ADGRG7: variants seen among roughly 807,000 people sequenced by gnomAD.
The protein encoded by ADGRG7 is G-protein coupled receptor 128.
ADGRG7 carries 82 observed loss-of-function variants against 88.6 expected under a neutral mutation model. The ratio of observed to expected loss-of-function variants is 0.93; its 90% confidence interval spans 0.77 to 1.11. The LOEUF is 1.11. ADGRG7 is among the 50% of genes most tolerant of loss of function. ADGRG7 has a pLI of 0.00. For synonymous variants in ADGRG7, 381 were observed against 345.2 expected, an observed-to-expected ratio of 1.10 and a Z score of -1.15; for missense variants, 945 against 953.4, an observed-to-expected ratio of 0.99 and a Z score of 0.12.
chr3:100,659,348 G>A (rs1024253456), intron 13 of ADGRG7, among the ~76,000 whole-genome samples: 1 of 146,482 alleles, frequency 6.8e-6, no homozygotes, highest in African/African-American at 2.5e-5. Context: ...GCTGAGGCAG[G>A]AGAATGGTGT....
chr3:100,626,502 C>A (rs1017989052), intron 1 of ADGRG7, among the ~76,000 whole-genome samples: 1 of 152,196 alleles, frequency 6.6e-6, no homozygotes, highest in East Asian at 1.9e-4. Flanking sequence ...TTTATTTGAA[C>A]GGGGTCAGGC....
In ADGRG7 at chr3:100,655,024, T is replaced by A. The variant is rs951232068; in HGVS notation, c.1569T>A (p.Asn523Lys). ...GGACAGACACCATTAACATCCCGAA[T>A]CCCATGTGCACTGCGATTGCCGCCT... ...IPRTDTINIP[N>K]PMCTAIAALL... Residue 523 changes from asparagine to lysine, a missense_variant, in exon 12 of 16, where the codon AAT becomes AAA. By Grantham distance (94) the Asn-to-Lys change is moderately conservative. Transcript: ENST00000273352. 6.8e-6 allele frequency: 11 copies of A among 1,613,998 alleles called. No individual in the cohort carries two copies. In the African/African-American group the frequency reaches 1.5e-4, roughly 22 times the overall value.
intron 14 of ADGRG7, among the ~76,000 whole-genome samples, chr3:100,666,961 T>C (rs1159429105): frequency 6.6e-6 from 1 of 152,074 alleles, no homozygotes; most frequent in African/African-American, 2.4e-5. Flanking sequence ...GAGCACGGGG[T>C]TGGGGGTAAG....
intron 15 of ADGRG7, among the ~76,000 whole-genome samples, chr3:100,689,160 T>C (rs1381797547): frequency 3.9e-5 from 6 of 152,180 alleles, no homozygotes; most frequent in Non-Finnish European, 8.8e-5. Context: ...TTGATCTTTG[T>C]TGGTTTAAAG....
rs764275914 is a variant in ADGRG7 at position 100,637,357 on chromosome 3, C to G, written c.653C>G (p.Ala218Gly). The G allele has an allele frequency of 1.9e-6, 3 of 1,613,782 alleles. No homozygotes were observed. The highest frequency in any genetic ancestry group is 2.5e-6 in the Non-Finnish European group (3 of 1,179,866). Residue 218 changes from alanine to glycine, a missense_variant, in exon 6 of 16, where the codon GCT (alanine) becomes GGT (glycine). Physicochemically the swap from Ala to Gly is moderately conservative, Grantham distance 60. Transcript: ENST00000273352. The part of the protein sequence containing the change: ...VSQLLDASED[A>G]FQRVAATAND... ...CAACTCCTAGATGCCAGTGAAGATG[C>G]TTTTCAAAGAGTTGCTGCTACTGCT...
chr3:100,654,998 A>G lies in ADGRG7; in HGVS notation c.1543A>G (p.Arg515Gly). ...TGACTTTGACAATAATGACATACCC[A>G]GGACAGACACCATTAACATCCCGAA... is the stretch of plus-strand genomic sequence containing the variant. ...NIDFDNNDIP[R>G]TDTINIPNPM... Residue 515 changes from arginine (R) to glycine (G), a missense_variant, in exon 12 of 16, where the codon AGG becomes GGG. Transcript: ENST00000273352. 1 of 1,614,196 alleles carries G rather than the reference A, an allele frequency of 6.2e-7. No individual in the cohort carries two copies. Among genetic ancestry groups the G allele is most frequent in the Non-Finnish European group, 8.5e-7 (1 of 1,180,026 alleles).
chr3:100,635,764 A>G lies in ADGRG7; in HGVS notation c.535A>G (p.Ile179Val), dbSNP rs1707529513. The G allele has an allele frequency of 6.2e-7, 1 of 1,614,088 alleles. No individual in the cohort carries two copies. The highest frequency in any genetic ancestry group is 1.7e-5 in the Admixed American group (1 of 60,034). Residue 179 changes from isoleucine to valine, a missense_variant, in exon 5 of 16, where the codon ATC (isoleucine) becomes GTC (valine). Transcript: ENST00000273352. ...TGCCAATAAATTAACTGCTGAGAAC[A>G]TCACTAGTGCTACGCGAGTGGTTGG... ...SDANKLTAENITSATRVVGQI... is the reference protein window; with the variant it reads ...SDANKLTAENVTSATRVVGQI...
At chr3:100,620,767 T>C (rs1361213160) in intron 1 of ADGRG7, among the ~76,000 whole-genome samples, 2 of 151,990 alleles carry the variant, frequency 1.3e-5, no homozygotes, top group East Asian at 1.9e-4. Context: ...AAGCAAGAAA[T>C]TGAATCCAGA....
chr3:100,686,267 G>A (rs541377396), intron 15 of ADGRG7, among the ~76,000 whole-genome samples: 1 of 152,134 alleles, frequency 6.6e-6, no homozygotes, highest in East Asian at 1.9e-4. Flanking sequence ...TATAGATTCT[G>A]GATATTAGCC....
intron 15 of ADGRG7, among the ~76,000 whole-genome samples, chr3:100,679,415 C>G (rs1026349600): frequency 6.6e-6 from 1 of 152,182 alleles, no homozygotes; most frequent in Non-Finnish European, 1.5e-5. Context: ...GAATCAGAGA[C>G]CCCAAGAGCC....
At chr3:100,685,307 T>A (rs1191405145) in intron 15 of ADGRG7, among the ~76,000 whole-genome samples, 1 of 152,142 alleles carries the variant, frequency 6.6e-6, no homozygotes, top group Non-Finnish European at 1.5e-5. Flanking sequence ...GAACGGAAAT[T>A]TTATGTTGTG....
intron 1 of ADGRG7, among the ~76,000 whole-genome samples, chr3:100,621,935 G>A (rs1707316367): frequency 1.3e-5 from 2 of 152,180 alleles, no homozygotes; most frequent in African/African-American, 2.4e-5. Flanking sequence ...CAGTGGTTTC[G>A]AGATGAAACT....
At chr3:100,613,680 A>C (rs1187233345) in intron 1 of ADGRG7, among the ~76,000 whole-genome samples, 1 of 152,188 alleles carries the variant, frequency 6.6e-6, no homozygotes, top group African/African-American at 2.4e-5. Flanking sequence ...TTTAAAAGTT[A>C]CTTTCTTGAA....
chr3:100,651,783 G>A (rs1576325610), intron 11 of ADGRG7, among the ~76,000 whole-genome samples: 1 of 151,972 alleles, frequency 6.6e-6, no homozygotes, highest in African/African-American at 2.4e-5. Context: ...TTCTTGGACA[G>A]GTTCCCATAT....
At chr3:100,628,094 A>T (rs1438886563) in intron 1 of ADGRG7, among the ~76,000 whole-genome samples, 5 of 152,020 alleles carry the variant, frequency 3.3e-5, no homozygotes, top group Non-Finnish European at 7.4e-5. Context: ...TGCAACCCCA[A>T]AGAGTTTCCT....
chr3:100,687,860 A>C (rs1013860475), intron 15 of ADGRG7, among the ~76,000 whole-genome samples: 45 of 152,232 alleles, frequency 3.0e-4, no homozygotes, highest in African/African-American at 1.0e-3. Flanking sequence ...TGTCTCTGCC[A>C]GGCTTTGGTA....
intron 5 of ADGRG7, among the ~76,000 whole-genome samples, chr3:100,636,150 ATT>A: frequency 6.6e-6 from 1 of 152,064 alleles, no homozygotes; most frequent in South Asian, 2.1e-4. Flanking sequence ...TGCTTTCTGG[ATT>A]CAGGGGTTCA....
chr3:100,623,308 A>G (rs1371507074), intron 1 of ADGRG7, among the ~76,000 whole-genome samples: 1 of 152,080 alleles, frequency 6.6e-6, no homozygotes, highest in Non-Finnish European at 1.5e-5. Flanking sequence ...TTAGTCTAGC[A>G]CCATTTGTTG....
At chr3:100,659,643 A>G (rs748834983) in intron 13 of ADGRG7, 45 bp from the exon 14 acceptor site, 1 of 1,587,010 alleles carries the variant, frequency 6.3e-7, no homozygotes, top group Non-Finnish European at 8.6e-7. Flanking sequence ...ACCAGTATGT[A>G]TACCTTTCTT....
Sources: gnomAD v4.1 joint callset for allele counts (sites outside exome capture counted in the v4.1 genomes callset) on GRCh38, gnomAD v4.1.1 for gene constraint, MANE v1.5 for transcripts, NCBI Gene and HGNC (gene_info 2026-07-23, HGNC 2026-07-21) for gene names.